Variants in ZNF705G observed in about 807,000 individuals in gnomAD.
ZNF705G encodes the protein zinc finger protein 705G, also known as putative zinc finger protein 705G.
A neutral mutation model predicts 19.6 loss-of-function variants in ZNF705G; 23 were observed. The observed-to-expected ratio is 1.17, with a 90% CI of 0.84 to 1.66. The LOEUF (loss-of-function observed/expected upper bound fraction) is 1.66, where lower values mean the gene tolerates loss of function less well. Ranked by LOEUF, ZNF705G falls within the 40% of genes most tolerant of loss-of-function variation. The probability of loss-of-function intolerance (pLI) is 0.00; values close to 1 mark genes in which losing one functional copy is unlikely to be tolerated. For synonymous variants in ZNF705G, 146 were observed against 117.7 expected (o/e 1.24, Z -1.56); for missense variants, 457 against 354.4 (o/e 1.29, Z -2.32).
chr8:7,381,134 C>T (rs1342390538), intron 2 of ZNF705G, among the ~76,000 whole-genome samples: 1 of 126,758 alleles, frequency 7.9e-6, no homozygotes, highest in Non-Finnish European at 1.5e-5. Flanking sequence ...TTGTCGTTGC[C>T]ATTGCTTTGA....
At chr8:7,359,026 C>A (rs551398993) in intron 6 of ZNF705G, among the ~76,000 whole-genome samples, 2 of 149,748 alleles carry the variant, frequency 1.3e-5, no homozygotes, top group East Asian at 3.9e-4. Context: ...TCCTCTGCCT[C>A]ATTTGTTTAT....
At chr8:7,360,180 A>G in intron 5 of ZNF705G, 57 bp downstream of exon 5, 2 of 1,554,260 alleles carry the variant, frequency 1.3e-6, no homozygotes, top group Admixed American at 3.4e-5. Context: ...TATTCAACTG[A>G]TATTATTCAT....
intron 1 of ZNF705G, among the ~76,000 whole-genome samples, chr8:7,385,236 G>C: frequency 6.7e-6 from 1 of 149,066 alleles, no homozygotes; most frequent in Non-Finnish European, 1.5e-5. Flanking sequence ...CTTCCCAAAT[G>C]TTCCGCTTCT....
chr8:7,361,115 G>A lies in ZNF705G; in HGVS notation c.134C>T (p.Ser45Phe), dbSNP rs557920970. 1.2e-4 allele frequency: 185 copies of A among 1,592,666 alleles called. 4 individuals are homozygous for A. The South Asian group carries it at 1.9e-3, about 17-fold the overall frequency. The change falls in exon 4 of 7, where the codon TCC becomes TTC. Residue 45 changes from serine (S) to phenylalanine (F), a missense_variant. Ser to Phe is a radical substitution (Grantham distance 155). Transcript: ENST00000400156. ...VMLENISHLV[S>F]LGYQISKSYI... ...ATGAATGTTCAGGGACTCACCGAGG[G>A]ACACCAGGTGACTGATATTTTCCAG...
At chr8:7,363,315 AAC>A (rs1354050667) in intron 2 of ZNF705G, among the ~76,000 whole-genome samples, 1 of 148,106 alleles carries the variant, frequency 6.8e-6, no homozygotes, top group African/African-American at 2.7e-5. Flanking sequence ...CTGATTTTAA[AAC>A]ACAGGGATCC....
chr8:7,365,035 A>G lies in ZNF705G; in HGVS notation c.-71-2018T>C, dbSNP rs1211217299. Among the ~76,000 whole-genome samples the G allele has an allele frequency of 2.0e-4, 30 of 149,778 alleles. 2 individuals are homozygous for G. The highest frequency in any genetic ancestry group is 7.4e-4 in the African/African-American group (29 of 39,156). On this transcript the variant is annotated intron_variant, in intron 2 of 6. Coordinates refer to ENST00000400156, the MANE Select transcript of ZNF705G (RefSeq NM_001164457.3). ...AATTATAACCCAAACATGAATGAAA[A>G]GTCATTTAACTGGTCATATACAGAC...
chr8:7,369,621 G>A lies in ZNF705G; in HGVS notation c.-71-6604C>T, dbSNP rs1164471947. On this transcript the variant is annotated intron_variant, in intron 2 of 6. Coordinates refer to ENST00000400156, the MANE Select transcript of ZNF705G (RefSeq NM_001164457.3). ...TCATATATTTATTATAGCATTATTT[G>A]CAATAGCAAAGACATGGAATCAACC... 2.0e-5 allele frequency among the ~76,000 whole-genome samples: 3 copies of A among 149,792 alleles called. No homozygotes were observed. The East Asian group carries it at 5.8e-4, about 29-fold the overall frequency.
At position 7,357,975 on chromosome 8, in the gene ZNF705G, G is replaced by A. The variant is rs752352285; in HGVS notation, c.*1C>T. 6.2e-7 allele frequency: 1 copy of A among 1,609,270 alleles called. No individual in the cohort carries two copies. The highest frequency in any genetic ancestry group is 1.1e-5 in the South Asian group (1 of 90,776). On this transcript the variant is annotated 3_prime_UTR_variant, in exon 7 of 7. Transcript: ENST00000400156. ...TTTTCTCCAGTGCGTGTTCTCTCAT[G>A]TCATCTAAGGTTGGAAGACAGACTG...
rs1806306084 is a variant in ZNF705G, at chr8:7,357,086, T to C, written c.*890A>G. 6.7e-6 allele frequency: 1 copy of C among 150,104 alleles called. No homozygotes were observed. Among genetic ancestry groups the C allele is most frequent in the South Asian group, 2.1e-4 (1 of 4,790 alleles). The allele number at this position is 150,104 out of a possible 1,614,324, so 9.3% of individuals were successfully genotyped here. On this transcript the variant is annotated 3_prime_UTR_variant, in exon 7 of 7. Coordinates refer to ENST00000400156, the MANE Select transcript of ZNF705G (RefSeq NM_001164457.3). ...ATTTTCAAGTTTGATAGCTCCTCAA[T>C]GTGAGAAACTCAATGTCAACTAAGA...
At chr8:7,362,662 A>G (rs1224534731) in intron 3 of ZNF705G, among the ~76,000 whole-genome samples, 1 of 149,516 alleles carries the variant, frequency 6.7e-6, no homozygotes, top group Non-Finnish European at 1.5e-5. Context: ...AGGGGCTGGA[A>G]TAAAGTAGTG....
intron 3 of ZNF705G, among the ~76,000 whole-genome samples, chr8:7,362,732 G>A (rs1167970455): frequency 6.7e-6 from 1 of 149,292 alleles, no homozygotes; most frequent in Non-Finnish European, 1.5e-5. Flanking sequence ...CCAACCTAGA[G>A]TCCTGAGAAA....
chr8:7,363,974 T>A (rs1806728921), intron 2 of ZNF705G, among the ~76,000 whole-genome samples: 1 of 149,532 alleles, frequency 6.7e-6, no homozygotes, highest in Non-Finnish European at 1.5e-5. Context: ...CTCTCCTGTG[T>A]ATACAGTCAC....
chr8:7,385,045 C>G (rs1351046953), intron 1 of ZNF705G, among the ~76,000 whole-genome samples: 1 of 147,254 alleles, frequency 6.8e-6, no homozygotes, highest in Non-Finnish European at 1.5e-5. Context: ...AATAAAGGAA[C>G]ACATCTCTAG....
At position 7,362,834 on chromosome 8, in the gene ZNF705G, A is replaced by T; in HGVS notation, c.12+101T>A. The T allele has an allele frequency of 1.9e-6, 3 of 1,585,034 alleles. No homozygotes were observed. The East Asian group carries it at 6.7e-5, about 35-fold the overall frequency. On this transcript the variant is annotated intron_variant, in intron 3 of 6. Transcript: ENST00000400156. ...TTTACATCATAAAAACAAACAAACAAAAAAAGAATAAAAATGAAACACCCA... is the reference window on the plus strand; with the variant it reads ...TTTACATCATAAAAACAAACAAACATAAAAAGAATAAAAATGAAACACCCA...
In ZNF705G at chr8:7,360,254, A is replaced by G. The variant is rs768732150; in HGVS notation, c.218T>C (p.Leu73Pro). 2 of 1,592,366 alleles carry G rather than the reference A, an allele frequency of 1.3e-6. No homozygotes were observed. The highest frequency in any genetic ancestry group is 8.5e-7 in the Non-Finnish European group (1 of 1,179,182). ...KELWREGRVF[L>P]QDQNPNRESA... ...TTGCTTACTTGGATTCTGGTCTTGA[A>G]GAAATACTCTTCCTTCCCTCCACAG... The change falls in exon 5 of 7, where the codon CTT becomes CCT. Residue 73 changes from leucine to proline, a missense_variant. Physicochemically the swap from Leu to Pro is moderately conservative, Grantham distance 98. Transcript: ENST00000400156.
chr8:7,382,495 G>A (rs1016437542), intron 1 of ZNF705G, among the ~76,000 whole-genome samples: 2 of 146,252 alleles, frequency 1.4e-5, no homozygotes, highest in African/African-American at 5.6e-5. Context: ...TCATGTCTCT[G>A]CATCTATCAA....
At chr8:7,382,914 T>G in intron 1 of ZNF705G, among the ~76,000 whole-genome samples, 1 of 147,222 alleles carries the variant, frequency 6.8e-6, no homozygotes, top group Non-Finnish European at 1.5e-5. Flanking sequence ...TTGTACCTAA[T>G]AGGTAGTTTT....
chr8:7,370,782 T>C lies in ZNF705G; in HGVS notation c.-71-7765A>G, dbSNP rs1020167343. 8.4e-5 allele frequency among the ~76,000 whole-genome samples: 10 copies of C among 119,198 alleles called. 1 individual carries two copies. The highest frequency in any genetic ancestry group is 1.3e-4 in the Non-Finnish European group (8 of 59,422). The allele number at this position is 119,198 out of a possible 152,430, so 78.2% of individuals were successfully genotyped here. A position where few individuals can be genotyped will look rare whatever the true frequency, so the allele number is the denominator to read the frequency against. On this transcript the variant is annotated intron_variant, in intron 2 of 6. Coordinates refer to ENST00000400156, the MANE Select transcript of ZNF705G (RefSeq NM_001164457.3). ...TGCACACATATGTTCATTGCAGCAC[T>C]ATTCACAACAGCAAAGACATGGAAT...
At chr8:7,380,739 A>G (rs2128847886) in intron 2 of ZNF705G, among the ~76,000 whole-genome samples, 1 of 146,822 alleles carries the variant, frequency 6.8e-6, no homozygotes, top group South Asian at 2.1e-4. Flanking sequence ...CTGGCACTTG[A>G]GAAAGCCACC....
Sources: gnomAD v4.1 joint callset for allele counts (sites outside exome capture counted in the v4.1 genomes callset) on GRCh38, gnomAD v4.1.1 for gene constraint, MANE v1.5 for transcripts, NCBI Gene and HGNC (gene_info 2026-07-23, HGNC 2026-07-21) for gene names.